DNAH8: variants seen among roughly 807,000 people sequenced by gnomAD.
DNAH8 encodes dynein axonemal heavy chain 8, also known as axonemal beta dynein heavy chain 8.
DNAH8 carries 382 observed loss-of-function variants against 562.1 expected under a neutral mutation model. That is an observed-to-expected ratio of 0.68 (90% confidence interval 0.63 to 0.74). DNAH8 has a LOEUF of 0.74. Among genes scored for constraint, DNAH8 ranks in the 30% least tolerant of loss-of-function variants. DNAH8 has a pLI of 0.00. For synonymous variants in DNAH8, 1,881 were observed against 1,919.4 expected, an observed-to-expected ratio of 0.98 and a Z score of 0.52; for missense variants, 5,203 against 5,620.4, an observed-to-expected ratio of 0.93 and a Z score of 2.37.
At chr6:38,769,351 T>C (rs1310138704) in intron 11 of DNAH8, among the ~76,000 whole-genome samples, 1 of 152,230 alleles carries the variant, frequency 6.6e-6, no homozygotes, top group East Asian at 1.9e-4. Flanking sequence ...GTATTTCTTC[T>C]AATGCTATCC....
At chr6:38,978,804 C>G (rs1323993496) in intron 85 of DNAH8, among the ~76,000 whole-genome samples, 2 of 152,104 alleles carry the variant, frequency 1.3e-5, no homozygotes, top group African/African-American at 4.8e-5. Context: ...TTTCATGATT[C>G]CACATTTTCC....
Position 38,857,580 on chromosome 6 carries a change from A to C in DNAH8, c.5796A>C (p.Ala1932=). ...THDSEEALRN[A]KDDRKIMQVT... ...ATTCAGAAGAGGCTTTACGTAATGCAAAAGATGACAGGAAAATCATGCAAG... is the reference window on the plus strand; with the variant it reads ...ATTCAGAAGAGGCTTTACGTAATGCCAAAGATGACAGGAAAATCATGCAAG... Residue 1932 remains alanine, a synonymous_variant, in exon 42 of 93, where the codon GCA becomes GCC. Coordinates refer to ENST00000327475, the MANE Select transcript of DNAH8 (RefSeq NM_001206927.2). 1.2e-6 allele frequency: 2 copies of C among 1,613,988 alleles called. No homozygotes were observed. Among genetic ancestry groups the C allele is most frequent in the Non-Finnish European group, 1.7e-6 (2 of 1,179,898 alleles).
At chr6:39,022,039 G>A (rs1053601510) in intron 91 of DNAH8, among the ~76,000 whole-genome samples, 1 of 152,224 alleles carries the variant, frequency 6.6e-6, no homozygotes, top group African/African-American at 2.4e-5. Flanking sequence ...CACATAACAA[G>A]TGTTACTTTA....
intron 46 of DNAH8, 38 bp from the exon 47 acceptor site, chr6:38,866,731 C>T: frequency 6.3e-7 from 1 of 1,598,440 alleles, no homozygotes; most frequent in South Asian, 1.1e-5. Context: ...ACTTGTTTTT[C>T]ACTAAAGTTG....
intron 33 of DNAH8, among the ~76,000 whole-genome samples, chr6:38,838,511 G>A (rs963910454): frequency 3.3e-5 from 5 of 151,542 alleles, no homozygotes; most frequent in African/African-American, 1.2e-4. Context: ...CTATTCTCCT[G>A]CCTCAGCCTT....
chr6:38,982,827 C>T (rs932275260), intron 86 of DNAH8, among the ~76,000 whole-genome samples: 43 of 152,316 alleles, frequency 2.8e-4, no homozygotes, highest in African/African-American at 9.4e-4. Context: ...AGTTCTTTCT[C>T]ACCTTAAGTC....
chr6:38,716,514 T>G (rs1445515868), intron 1 of DNAH8: 1 of 152,248 alleles, frequency 6.6e-6, no homozygotes. Context: ...CCGACTCGGG[T>G]GGTACCTTCT....
At chr6:38,805,653 A>C in intron 23 of DNAH8, 57 bp downstream of exon 23, 1 of 974,880 alleles carries the variant, frequency 1.0e-6, no homozygotes, top group South Asian at 1.4e-5. Context: ...ATAGGATTAT[A>C]GATAACCCCA....
intron 86 of DNAH8, among the ~76,000 whole-genome samples, chr6:38,982,905 A>G (rs1276579760): frequency 6.6e-6 from 1 of 152,234 alleles, no homozygotes; most frequent in African/African-American, 2.4e-5. Flanking sequence ...TCATCATCAT[A>G]TGACACTTTG....
intron 44 of DNAH8, among the ~76,000 whole-genome samples, 166 bp from the exon 45 acceptor site, chr6:38,863,707 C>G (rs1414469498): frequency 6.6e-6 from 1 of 152,150 alleles, no homozygotes; most frequent in South Asian, 2.1e-4. Context: ...ATAATTAAAC[C>G]TCTCTTTATC....
chr6:38,839,224 G>A (rs1397205374), intron 33 of DNAH8, among the ~76,000 whole-genome samples: 1 of 152,076 alleles, frequency 6.6e-6, no homozygotes, highest in Non-Finnish European at 1.5e-5. Context: ...GATCCAATGC[G>A]TTCACCCTCA....
chr6:38,915,331 T>C lies in DNAH8; in HGVS notation c.10094T>C (p.Leu3365Pro). 1 of 1,609,834 alleles carries C rather than the reference T, an allele frequency of 6.2e-7. No homozygotes were observed. Among genetic ancestry groups the C allele is most frequent in the Non-Finnish European group, 8.5e-7 (1 of 1,178,434 alleles). The stretch of plus-strand genomic sequence containing the variant: ...GAAAAAGTGAAAGCTGAAAGCAAGC[T>C]TGAGGCAGCTAAACCTGCACTGGAA... ...DSEKVKAESKLEAAKPALEEA... is the reference protein window; with the variant it reads ...DSEKVKAESKPEAAKPALEEA... The change falls in exon 68 of 93, where the codon CTT (leucine) becomes CCT (proline). Residue 3365 changes from leucine (L) to proline (P), a missense_variant. Transcript: ENST00000327475.
intron 22 of DNAH8, among the ~76,000 whole-genome samples, chr6:38,804,591 G>A (rs1771080189): frequency 6.6e-6 from 1 of 152,156 alleles, no homozygotes. Context: ...CACAGAGTGT[G>A]CCACCCAGAC....
Position 38,783,100 on chromosome 6 carries a change from C to T in DNAH8, c.2356C>T (p.His786Tyr). 2.5e-6 allele frequency: 4 copies of T among 1,613,984 alleles called. No individual in the cohort carries two copies. Among genetic ancestry groups the T allele is most frequent in the Non-Finnish European group, 3.4e-6 (4 of 1,179,904 alleles). ...GCTGGTGGAATTCGAGGTGGTCTAT[C>T]ACACAGCCTGGATCAGAGAGATTTC... The part of the protein sequence containing the change: ...YVLVEFEVVY[H>Y]TAWIREISQL... Residue 786 changes from histidine to tyrosine, a missense_variant, in exon 17 of 93, where the codon CAC (histidine) becomes TAC (tyrosine). Coordinates refer to ENST00000327475, the MANE Select transcript of DNAH8 (RefSeq NM_001206927.2).
chr6:38,728,753 A>G (rs1763428967), intron 3 of DNAH8, among the ~76,000 whole-genome samples: 1 of 152,186 alleles, frequency 6.6e-6, no homozygotes, highest in Admixed American at 6.5e-5. Context: ...GACCAGTTGC[A>G]TCAGCATCAC....
intron 1 of DNAH8, among the ~76,000 whole-genome samples, chr6:38,720,285 A>G (rs1224566598): frequency 6.6e-6 from 1 of 152,206 alleles, no homozygotes; most frequent in Non-Finnish European, 1.5e-5. Context: ...GGAGGGAGAT[A>G]GGACTACCAT....
chr6:38,876,555 G>C (rs111639657), intron 53 of DNAH8, among the ~76,000 whole-genome samples: 1 of 152,172 alleles, frequency 6.6e-6, no homozygotes, highest in African/African-American at 2.4e-5. Flanking sequence ...TAAGGTAAGC[G>C]GCAGTCGATT....
intron 80 of DNAH8, among the ~76,000 whole-genome samples, chr6:38,947,662 C>T (rs1761545634): frequency 6.6e-6 from 1 of 152,112 alleles, no homozygotes; most frequent in South Asian, 2.1e-4. Flanking sequence ...GGCATGCAGG[C>T]ATCTTCTTTG....
At chr6:38,834,494 T>C in intron 31 of DNAH8, 85 bp from the exon 32 acceptor site, 1 of 921,958 alleles carries the variant, frequency 1.1e-6, no homozygotes, top group Non-Finnish European at 1.7e-6. Context: ...GCTTGTTTAC[T>C]TAAATGGAAA....
Sources: allele counts gnomAD v4.1 joint callset (sites outside exome capture counted in the v4.1 genomes callset), GRCh38; gene constraint gnomAD v4.1.1; transcripts MANE v1.5; gene names NCBI Gene and HGNC (gene_info 2026-07-23, HGNC 2026-07-21).